The following PPP2R2D variants were observed in gnomAD, a reference collection of about 807,000 sequenced individuals.
PPP2R2D encodes the protein serine/threonine-protein phosphatase 2A 55 kDa regulatory subunit B delta isoform.
In PPP2R2D, 9 loss-of-function variants were observed where a neutral mutation model predicts 31.1. The observed-to-expected ratio is 0.29, with a 90% CI of 0.17 to 0.51. PPP2R2D has a LOEUF of 0.51. Ranked by LOEUF, PPP2R2D falls within the 20% of genes least tolerant of loss-of-function variation. PPP2R2D has a pLI of 0.98. For synonymous variants in PPP2R2D, 179 were observed against 172.6 expected (o/e 1.04, Z -0.29); for missense variants, 391 against 465.6 (o/e 0.84, Z 1.48).
At chr10:131,914,839 A>G (rs1448739467) in intron 2 of PPP2R2D, among the ~76,000 whole-genome samples, 2 of 152,170 alleles carry the variant, frequency 1.3e-5, no homozygotes, top group African/African-American at 4.8e-5. Context: ...TTTGGCTTTT[A>G]TTCTGCACAT....
At chr10:131,946,009 C>T (rs1410418470) in intron 7 of PPP2R2D, 1 of 152,312 alleles carries the variant, frequency 6.6e-6, no homozygotes, top group Non-Finnish European at 1.5e-5. Flanking sequence ...TGCCCAGAGC[C>T]TGGGTGTCTC....
At chr10:131,952,143 G>T (rs1409399012) in intron 8 of PPP2R2D, among the ~76,000 whole-genome samples, 6 of 109,724 alleles carry the variant, frequency 5.5e-5, no homozygotes, top group South Asian at 3.7e-4. Context: ...GTGCGGGGGG[G>T]TTCACTGTCT....
chr10:131,948,528 T>C (rs1589958334), intron 8 of PPP2R2D, among the ~76,000 whole-genome samples: 1 of 152,184 alleles, frequency 6.6e-6, no homozygotes, highest in Non-Finnish European at 1.5e-5. Context: ...ATACAGCAGG[T>C]GTCTCTTCAG....
intron 3 of PPP2R2D, 62 bp downstream of exon 3, chr10:131,934,617 A>G (rs72856070): frequency 0.094 from 70,362 of 746,712 alleles, 4,099 homozygotes; most frequent in Non-Finnish European, 0.12. Flanking sequence ...ATAACTTAGA[A>G]GGGAGGAAGC....
chr10:131,905,410 G>A lies in PPP2R2D; in HGVS notation c.100+4080G>A, dbSNP rs1478589520. On this transcript the variant is annotated intron_variant, in intron 2 of 8. Transcript: ENST00000455566. ...CACCCAGCCCCTGCTCCCTCTCCTG[G>A]AACGTACTTCATTCAGCATGTGATG... Among the ~76,000 whole-genome samples the A allele has an allele frequency of 3.3e-5, 5 of 152,124 alleles. No individual in the cohort carries two copies. The East Asian group carries it at 9.6e-4, about 29-fold the overall frequency.
intron 2 of PPP2R2D, among the ~76,000 whole-genome samples, chr10:131,920,567 T>A (rs2119816635): frequency 6.6e-6 from 1 of 152,340 alleles, no homozygotes; most frequent in Admixed American, 6.5e-5. Context: ...ATTTCATTCC[T>A]TTTTTTGGCA....
chr10:131,919,913 G>T lies in PPP2R2D; in HGVS notation c.101-14545G>T, dbSNP rs557429468. ...ATGACGCAGTGTAGGGACCTCAGGCGGGTGGAATGACACAGTGTTTGTAGG... is the reference window on the plus strand; with the variant it reads ...ATGACGCAGTGTAGGGACCTCAGGCTGGTGGAATGACACAGTGTTTGTAGG... On this transcript the variant is annotated intron_variant, in intron 2 of 8. Coordinates refer to ENST00000455566, the MANE Select transcript of PPP2R2D (RefSeq NM_018461.5). Among the ~76,000 whole-genome samples the T allele has an allele frequency of 1.4e-4, 21 of 146,688 alleles. No individual in the cohort carries two copies. In the East Asian group the frequency reaches 4.3e-3, roughly 30 times the overall value.
At chr10:131,962,939 C>T (rs965736285), downstream of PPP2R2D, among the ~76,000 whole-genome samples, 3 of 152,140 alleles carry the variant, frequency 2.0e-5, no homozygotes, top group Non-Finnish European at 2.9e-5. Flanking sequence ...CTGAGGTGGG[C>T]GGATCACGAG....
intron 2 of PPP2R2D, among the ~76,000 whole-genome samples, chr10:131,923,356 C>T (rs1554894492): frequency 6.6e-6 from 1 of 152,158 alleles, no homozygotes; most frequent in Non-Finnish European, 1.5e-5. Context: ...TTTGTTTATC[C>T]GTTAGTTGAT....
intron 2 of PPP2R2D, among the ~76,000 whole-genome samples, chr10:131,915,786 C>G (rs1242862303): frequency 1.3e-5 from 2 of 152,194 alleles, no homozygotes; most frequent in African/African-American, 4.8e-5. Flanking sequence ...TTTATGGTAA[C>G]AGATAGATGT....
chr10:131,968,638 A>G, the PPP2R2D span: 2 of 1,410,572 alleles, frequency 1.4e-6, no homozygotes, highest in South Asian at 1.2e-5. Context: ...CAGCTGAAAC[A>G]GGGTAGCTCA....
In PPP2R2D at chr10:131,905,647, C is replaced by T. The variant is rs1201276051; in HGVS notation, c.100+4317C>T. On this transcript the variant is annotated intron_variant, in intron 2 of 8. Coordinates refer to ENST00000455566, the MANE Select transcript of PPP2R2D (RefSeq NM_018461.5). ...CTATGTCAGTGAATCTTCACACCAC[C>T]GAAGAAGGAAGGAAATACTGTTCTT... Among the ~76,000 whole-genome samples the T allele has an allele frequency of 4.6e-5, 7 of 152,306 alleles. No individual in the cohort carries two copies. In the South Asian group the frequency reaches 1.0e-3, roughly 23 times the overall value.
At position 131,947,781 on chromosome 10, in the gene PPP2R2D, G is replaced by C. The variant is rs34473884; in HGVS notation, c.1072G>C (p.Gly358Arg). The change falls in exon 8 of 9, where the codon GGT (glycine) becomes CGT (arginine). Residue 358 changes from glycine to arginine, a missense_variant. Transcript: ENST00000455566. The surrounding 1 kb of genome is among the most constrained non-coding windows in gnomAD (Gnocchi z 4.3). ...IFDKFECCWNGSDSAIMTGSY... is the reference protein window; with the variant it reads ...IFDKFECCWNRSDSAIMTGSY... ...TGACAAGTTTGAGTGTTGCTGGAAC[G>C]GTTCGGATAGGTAAGGCCTGCGTGG... 6.2e-6 allele frequency: 10 copies of C among 1,613,398 alleles called. No individual in the cohort carries two copies. The African/African-American group carries it at 1.1e-4, about 17-fold the overall frequency.
chr10:131,933,549 C>T (rs1589946363), intron 2 of PPP2R2D, among the ~76,000 whole-genome samples: 1 of 152,132 alleles, frequency 6.6e-6, no homozygotes, highest in East Asian at 1.9e-4. Flanking sequence ...ATAGGACAAG[C>T]TCTGATGGCC....
chr10:131,906,949 GA>G (rs1256217044), intron 2 of PPP2R2D, among the ~76,000 whole-genome samples: 2 of 151,072 alleles, frequency 1.3e-5, no homozygotes, highest in East Asian at 3.9e-4. Context: ...TCAGAAAAAA[GA>G]AAAAATAATA....
chr10:131,968,678 G>A, the PPP2R2D span: 1 of 886,966 alleles, frequency 1.1e-6, no homozygotes, highest in Non-Finnish European at 1.8e-6. Context: ...AAGGGGACTG[G>A]TGATTTTATA....
At chr10:131,902,870 A>T (rs1380888473) in intron 2 of PPP2R2D, among the ~76,000 whole-genome samples, 1 of 152,092 alleles carries the variant, frequency 6.6e-6, no homozygotes, top group Non-Finnish European at 1.5e-5. Context: ...CGCCCACCTC[A>T]GTCTCTGAAG....
intron 5 of PPP2R2D, among the ~76,000 whole-genome samples, chr10:131,942,856 A>AACT (rs1374873302): frequency 2.0e-5 from 3 of 152,200 alleles, no homozygotes; most frequent in South Asian, 2.1e-4. Flanking sequence ...AACTTGGTAG[A>AACT]ACTGACTCTT....
chr10:131,937,029 C>T (rs987643693), intron 3 of PPP2R2D, among the ~76,000 whole-genome samples: 4 of 152,226 alleles, frequency 2.6e-5, no homozygotes, highest in African/African-American at 4.8e-5. Context: ...GCCCATCAAG[C>T]GACCCCAGCT....
Sources: gnomAD v4.1 joint callset for allele counts (sites outside exome capture counted in the v4.1 genomes callset) on GRCh38, gnomAD v4.1.1 for gene constraint, Gnocchi (gnomAD v3.1) non-coding constraint, MANE v1.5 for transcripts, NCBI Gene and HGNC (gene_info 2026-07-23, HGNC 2026-07-21) for gene names.